ERCC6L: variants seen among roughly 807,000 people sequenced by gnomAD.
ERCC6L encodes the protein DNA excision repair protein ERCC-6-like.
Under a neutral mutation model 20.1 loss-of-function variants are expected in ERCC6L, and 7 were observed. The ratio of observed to expected loss-of-function variants is 0.35; its 90% CI spans 0.20 to 0.65. ERCC6L has a LOEUF of 0.65. Among genes scored for constraint, ERCC6L ranks in the 30% least tolerant of loss-of-function variants. The pLI, the probability that ERCC6L is intolerant of heterozygous loss-of-function variation, is 0.69. For missense variants in ERCC6L, 592 were observed against 892.4 expected (o/e 0.66, Z 4.29); for synonymous variants, 278 against 331.3 (o/e 0.84, Z 1.75).
rs780972657 is a variant in ERCC6L at position 72,205,962 on chromosome X, C to A, written c.2805G>T (p.Glu935Asp). 6 of 1,211,401 alleles carry A rather than the reference C, an allele frequency of 5.0e-6. No homozygotes were observed. The East Asian group carries it at 1.8e-4, about 36-fold the overall frequency. Residue 935 changes from glutamate to aspartate, a missense_variant, in exon 2 of 2, where the codon GAG (glutamate) becomes GAT (aspartate). By Grantham distance (45) the Glu-to-Asp change is conservative. This residue lies in a region of ERCC6L where 352 missense variants were observed against 402.6 expected (regional missense o/e 0.87). Coordinates refer to ENST00000334463, the MANE Select transcript of ERCC6L (RefSeq NM_017669.4). ...HSALQDAQASEAKLEEEPSAS... is the reference protein window; with the variant it reads ...HSALQDAQASDAKLEEEPSAS... ...CTGAAGGTTCCTCTTCCAACTTGGCCTCACTTGCTTGAGCATCCTGCAGTG... is the reference window on the plus strand; with the variant it reads ...CTGAAGGTTCCTCTTCCAACTTGGCATCACTTGCTTGAGCATCCTGCAGTG...
chrX:72,204,920 C>A lies in ERCC6L; in HGVS notation c.*94G>T. On this transcript the variant is annotated 3_prime_UTR_variant, in exon 2 of 2. Coordinates refer to ENST00000334463, the MANE Select transcript of ERCC6L (RefSeq NM_017669.4). ...TTTTGAGATCTTTCTTGCCTTAAGC[C>A]TGAATGCTTCATGTTCCCAAAGAAT... 1 of 828,617 alleles carries A rather than the reference C, an allele frequency of 1.2e-6. No homozygotes were observed. The highest frequency in any genetic ancestry group is 1.7e-6 in the Non-Finnish European group (1 of 601,212). The allele number at this position is 828,617 out of a possible 1,213,427, so 68.3% of individuals were successfully genotyped here.
chrX:72,206,637 G>A lies in ERCC6L; in HGVS notation c.2130C>T (p.Phe710=), dbSNP rs755940524. Residue 710 remains phenylalanine, a synonymous_variant, in exon 2 of 2, where the codon TTC becomes TTT. Coordinates refer to ENST00000334463, the MANE Select transcript of ERCC6L (RefSeq NM_017669.4). ...TCAGGAACTCTTTATTTTGAGACTC[G>A]AATTCAACGAGGAATTGAGCTTTCT... The part of the protein sequence containing the change: ...RVQKAQFLVE[F]ESQNKEFLME... 11 of 1,209,387 alleles carry A rather than the reference G, an allele frequency of 9.1e-6. No individual in the cohort carries two copies. The highest frequency in any genetic ancestry group is 5.3e-5 in the South Asian group (3 of 56,683).
rs147328766 is a variant in ERCC6L, at chrX:72,206,876, C to T, written c.1891G>A (p.Glu631Lys). 10 of 1,211,250 alleles carry T rather than the reference C, an allele frequency of 8.3e-6. No individual in the cohort carries two copies. In the South Asian group the frequency reaches 8.8e-5, roughly 11 times the overall value. ...TGGGTTACAGAGTTCTGAAGATCCT[C>T]GATTGTAAAGAGCTCTCTTAATTCT... ...KQELRELFTIEDLQNSVTQLQ... is the reference protein window; with the variant it reads ...KQELRELFTIKDLQNSVTQLQ... Residue 631 changes from glutamate (E) to lysine (K), a missense_variant, in exon 2 of 2, where the codon GAG becomes AAG. By Grantham distance (56) the Glu-to-Lys change is moderately conservative (BLOSUM62 1). Around this residue, in one of 3 missense-constraint regions of ERCC6L, gnomAD observed 196 missense variants for 440.1 expected, o/e 0.45. Transcript: ENST00000334463.
In ERCC6L at chrX:72,206,095, C is replaced by T. The variant is rs146534560; in HGVS notation, c.2672G>A (p.Arg891His). The change falls in exon 2 of 2, where the codon CGT (arginine) becomes CAT (histidine). Residue 891 changes from arginine (R) to histidine (H), a missense_variant. By Grantham distance (29) the Arg-to-His change is conservative. Transcript: ENST00000334463. ...AATAATGGGCCAAGGATTGCAATGA[C>T]GTAAAATCTCATCATCCTTTAGTTG... ...LDQLKDDEIL[R>H]HCNPWPIISI... The T allele has an allele frequency of 4.1e-6, 5 of 1,209,441 alleles. No homozygotes were observed. Among genetic ancestry groups the T allele is most frequent in the East Asian group, 3.0e-5 (1 of 33,764 alleles).
At chrX:72,220,492 C>T (rs1465801657) in intron 1 of ERCC6L, among the ~76,000 whole-genome samples, 1 of 111,629 alleles carries the variant, frequency 9.0e-6, no homozygotes, top group Non-Finnish European at 1.9e-5. Context: ...CTAAGGTCAG[C>T]ATGACCATAA....
chrX:72,209,939 G>T (rs1039986191), intron 1 of ERCC6L, among the ~76,000 whole-genome samples: 2 of 110,535 alleles, frequency 1.8e-5, no homozygotes, highest in South Asian at 3.8e-4. Context: ...AACTCAAAAT[G>T]GATCATAGAT....
chrX:72,209,720 A>ATAT (rs1398099789), intron 1 of ERCC6L, among the ~76,000 whole-genome samples: 2 of 111,645 alleles, frequency 1.8e-5, no homozygotes, highest in East Asian at 5.6e-4. Context: ...TTGCCCCTCC[A>ATAT]ATACACACTC....
At chrX:72,232,066 G>A (rs1313515530) in intron 1 of ERCC6L, among the ~76,000 whole-genome samples, 8 of 109,326 alleles carry the variant, frequency 7.3e-5, no homozygotes, top group South Asian at 4.0e-4. Context: ...ATGACAGAGC[G>A]AGACCCTGTC....
chrX:72,219,071 C>T (rs1391141540), intron 1 of ERCC6L, among the ~76,000 whole-genome samples: 2 of 111,630 alleles, frequency 1.8e-5, no homozygotes, highest in Non-Finnish European at 3.8e-5. Context: ...GCCTGGCCAA[C>T]GCAGTGAAAC....
intron 1 of ERCC6L, among the ~76,000 whole-genome samples, chrX:72,231,070 T>C (rs754687039): frequency 8.9e-6 from 1 of 112,382 alleles, no homozygotes; most frequent in South Asian, 3.7e-4. Context: ...ATCTCACTTC[T>C]GGGTACTTCC....
intron 1 of ERCC6L, among the ~76,000 whole-genome samples, chrX:72,221,802 C>T (rs1476704451): frequency 9.1e-6 from 1 of 110,277 alleles, no homozygotes; most frequent in Non-Finnish European, 1.9e-5. Context: ...CTATGTCAAG[C>T]TTGCACCCCT....
intron 1 of ERCC6L, among the ~76,000 whole-genome samples, chrX:72,220,250 A>AC (rs1490293595): frequency 9.0e-6 from 1 of 111,412 alleles, no homozygotes; most frequent in Non-Finnish European, 1.9e-5. Flanking sequence ...AAGATAAAAA[A>AC]TGTAATAATC....
Position 72,207,479 on chromosome X carries a change from A to G in ERCC6L, c.1288T>C (p.Phe430Leu). ...CCCTCATTTCCATCTTGAGCAGAGAATGTCCCAAGATTTAGCAAACAACAA... is the reference window on the plus strand; with the variant it reads ...CCCTCATTTCCATCTTGAGCAGAGAGTGTCCCAAGATTTAGCAAACAACAA... The part of the protein sequence containing the change: ...RACCLLNLGT[F>L]SAQDGNEGED... The change falls in exon 2 of 2, where the codon TTC (phenylalanine) becomes CTC (leucine). Residue 430 changes from phenylalanine (F) to leucine (L), a missense_variant. Around this residue, in one of 3 missense-constraint regions of ERCC6L, gnomAD observed 196 missense variants for 440.1 expected, o/e 0.45. Transcript: ENST00000334463. 1 of 1,210,290 alleles carries G rather than the reference A, an allele frequency of 8.3e-7. No homozygotes were observed. The highest frequency in any genetic ancestry group is 1.1e-6 in the Non-Finnish European group (1 of 894,430).
chrX:72,210,411 T>C (rs759537411), intron 1 of ERCC6L, among the ~76,000 whole-genome samples: 4 of 110,875 alleles, frequency 3.6e-5, no homozygotes, highest in Admixed American at 2.9e-4. Flanking sequence ...ACTCCCACTA[T>C]TGATGGGAAT....
At chrX:72,236,290 C>T (rs1377851693) in intron 1 of ERCC6L, among the ~76,000 whole-genome samples, 1 of 111,237 alleles carries the variant, frequency 9.0e-6, no homozygotes, top group Non-Finnish European at 1.9e-5. Context: ...TTCATCTCTA[C>T]AAAAATCTTT....
At chrX:72,220,678 C>T (rs192014404) in intron 1 of ERCC6L, among the ~76,000 whole-genome samples, 1 of 110,098 alleles carries the variant, frequency 9.1e-6, no homozygotes, top group African/African-American at 3.3e-5. Flanking sequence ...AGATTCCAAC[C>T]CCGCCATAAA....
chrX:72,236,403 A>G (rs2043017536), intron 1 of ERCC6L, among the ~76,000 whole-genome samples: 1 of 111,417 alleles, frequency 9.0e-6, no homozygotes, highest in African/African-American at 3.3e-5. Flanking sequence ...GGTTGAAGCA[A>G]TTCTGCCTCA....
At position 72,208,534 on chromosome X, in the gene ERCC6L, A is replaced by C. The variant is rs770124131; in HGVS notation, c.233T>G (p.Phe78Cys). ...EELAEQGDDE[F>C]TDVCNSGLLL... ...CAAGCCAGAGTTGCACACATCTGTA[A>C]ATTCATCATCTCCCTGTTCTGCCAA... The change falls in exon 2 of 2, where the codon TTT becomes TGT. Residue 78 changes from phenylalanine to cysteine, a missense_variant. By Grantham distance (205) the Phe-to-Cys change is radical. This residue lies in a region of ERCC6L where 196 missense variants were observed against 440.1 expected (regional missense o/e 0.45). Coordinates refer to ENST00000334463, the MANE Select transcript of ERCC6L (RefSeq NM_017669.4). 8 of 1,211,718 alleles carry C rather than the reference A, an allele frequency of 6.6e-6. No homozygotes were observed. The highest frequency in any genetic ancestry group is 8.9e-6 in the Non-Finnish European group (8 of 895,538).
chrX:72,222,362 G>A (rs1034098401), intron 1 of ERCC6L, among the ~76,000 whole-genome samples: 18 of 111,338 alleles, frequency 1.6e-4, no homozygotes, highest in African/African-American at 4.9e-4. Context: ...CTGGTGTTCA[G>A]CTGAAGCCCA....
Sources: gnomAD v4.1 joint callset for allele counts (sites outside exome capture counted in the v4.1 genomes callset) on GRCh38, gnomAD v4.1.1 for gene constraint, gnomAD v4.1.1 regional missense constraint, MANE v1.5 for transcripts, NCBI Gene and HGNC (gene_info 2026-07-23, HGNC 2026-07-21) for gene names.